RBPJ: variants seen among roughly 807,000 people sequenced by gnomAD.
RBPJ encodes recombination signal binding protein for immunoglobulin kappa J region, also known as recombining binding protein suppressor of hairless.
RBPJ carries 9 observed loss-of-function variants against 67.8 expected under a neutral mutation model. The ratio of observed to expected loss-of-function variants is 0.13; its 90% CI spans 0.08 to 0.23. The LOEUF (loss-of-function observed/expected upper bound fraction) is 0.23. Among genes scored for constraint, RBPJ ranks in the 10% least tolerant of loss-of-function variants. The pLI is 1.00. For synonymous variants in RBPJ, 198 were observed against 203.3 expected (o/e 0.97, Z 0.22); for missense variants, 305 against 595.6 (o/e 0.51, Z 5.08).
At chr4:26,427,289 A>G (rs1200040870) in intron 7 of RBPJ, among the ~76,000 whole-genome samples, 1 of 152,152 alleles carries the variant, frequency 6.6e-6, no homozygotes, top group African/African-American at 2.4e-5. Context: ...ATTGACCTAG[A>G]TGAGTTGGGG....
At chr4:26,315,144 C>CAAAAAAAA (rs60940172), upstream of RBPJ, among the ~76,000 whole-genome samples, 10 of 10,348 alleles carry the variant, frequency 9.7e-4, no homozygotes, top group Non-Finnish European at 1.5e-3. Context: ...GTCTCTGTCT[C>CAAAAAAAA]AAAAAAAAAA....
At chr4:26,272,673 C>T (rs1201767649) in intron 1 of RBPJ, 4 of 452,496 alleles carry the variant, frequency 8.8e-6, no homozygotes, top group Non-Finnish European at 1.8e-5. Context: ...CAAAGTGATT[C>T]ATTCTTCCTG....
chr4:26,270,240 A>G (rs1390086538), intron 1 of RBPJ, among the ~76,000 whole-genome samples: 4 of 140,866 alleles, frequency 2.8e-5, no homozygotes, highest in African/African-American at 1.1e-4. Context: ...AAGAAATCGT[A>G]CCACTGCTCT....
chr4:26,356,372 C>T (rs1178460345), intron 1 of RBPJ, among the ~76,000 whole-genome samples: 1 of 152,150 alleles, frequency 6.6e-6, no homozygotes, highest in African/African-American at 2.4e-5. Context: ...CTAGATCAGG[C>T]CAAATAGACT....
intron 1 of RBPJ, among the ~76,000 whole-genome samples, chr4:26,194,868 C>A (rs1012960190): frequency 2.0e-5 from 3 of 152,202 alleles, no homozygotes; most frequent in Non-Finnish European, 4.4e-5. Flanking sequence ...CCCTCCTAAC[C>A]ATATCTATGT....
In RBPJ at chr4:26,249,826, G is replaced by GC. The variant is rs1291391288; in HGVS notation, c.-167+86215dup. Among the ~76,000 whole-genome samples the GC allele has an allele frequency of 1.4e-4, 19 of 134,932 alleles. No homozygotes were observed. In the East Asian group the frequency reaches 4.1e-3, roughly 29 times the overall value. The allele number at this position is 134,932 out of a possible 152,430, so 88.5% of individuals were successfully genotyped here. A position where few individuals can be genotyped will look rare whatever the true frequency, so the allele number is the denominator to read the frequency against. ...TTTTTTGAGATGGAGTTTTGCTCCAGCCCAGGCTGGATGCAATGGCATGAT... is the reference window on the plus strand; with the variant it reads ...TTTTTTGAGATGGAGTTTTGCTCCAGCCCCAGGCTGGATGCAATGGCATGAT... On this transcript the variant is annotated intron_variant, in intron 1 of 4. Coordinates refer to the RBPJ transcript ENST00000512351.
intron 1 of RBPJ, among the ~76,000 whole-genome samples, chr4:26,203,120 C>G (rs1165120513): frequency 6.6e-6 from 1 of 152,158 alleles, no homozygotes; most frequent in Non-Finnish European, 1.5e-5. Context: ...TAAAAAGGGT[C>G]TATCTGTTTG....
At chr4:26,325,135 CCT>C (rs1234188084) in intron 1 of RBPJ, among the ~76,000 whole-genome samples, 3 of 152,140 alleles carry the variant, frequency 2.0e-5, no homozygotes, top group African/African-American at 4.8e-5. Flanking sequence ...ATTCCTAATT[CCT>C]CTCTCACCAG....
rs566946038 is a variant in RBPJ at position 26,306,897 on chromosome 4, T to C, written c.-166-55549T>C. 2.0e-3 allele frequency among the ~76,000 whole-genome samples: 298 copies of C among 152,092 alleles called. 1 individual carries two copies. The highest frequency in any genetic ancestry group is 6.9e-3 in the African/African-American group (286 of 41,560). On this transcript the variant is annotated intron_variant, in intron 1 of 4. Transcript: ENST00000512351. ...TTAAATATATTAACTATTTAAAATATATTTTAAAATAAATCTTGTTGCATT... is the reference window on the plus strand; with the variant it reads ...TTAAATATATTAACTATTTAAAATACATTTTAAAATAAATCTTGTTGCATT...
At chr4:26,416,461 C>A (rs1392482749) in intron 4 of RBPJ, among the ~76,000 whole-genome samples, 6 of 152,104 alleles carry the variant, frequency 3.9e-5, no homozygotes, top group African/African-American at 1.4e-4. Context: ...AACTCCTGAG[C>A]TCAAGCAATC....
At chr4:26,116,258 C>G in the RBPJ span, among the ~76,000 whole-genome samples, 1 of 152,208 alleles carries the variant, frequency 6.6e-6, no homozygotes, top group Non-Finnish European at 1.5e-5. Context: ...AACCAATTAA[C>G]GGGCAGGGAT....
chr4:26,270,751 G>T (rs887772202), intron 1 of RBPJ, among the ~76,000 whole-genome samples: 2 of 152,090 alleles, frequency 1.3e-5, no homozygotes, highest in East Asian at 1.9e-4. Flanking sequence ...CCCTCTGAAG[G>T]TTTGATAATT....
rs1190972709 is a variant in RBPJ, at chr4:26,433,199, C to G, written c.*2192C>G. On this transcript the variant is annotated 3_prime_UTR_variant, in exon 11 of 11. Transcript: ENST00000355476. ...GATCAAGGGCAGAACTCATTGTGGC[C>G]TTATCTTTCTTTGTTGTAATTGTTC... is the stretch of plus-strand genomic sequence containing the variant. The G allele has an allele frequency of 6.6e-6, 1 of 152,138 alleles. No individual in the cohort carries two copies. The highest frequency in any genetic ancestry group is 1.5e-5 in the Non-Finnish European group (1 of 68,024). The allele number at this position is 152,138 out of a possible 1,614,324, so 9.4% of individuals were successfully genotyped here.
the RBPJ span, among the ~76,000 whole-genome samples, chr4:26,110,299 A>T: frequency 6.6e-6 from 1 of 152,132 alleles, no homozygotes; most frequent in Non-Finnish European, 1.5e-5. The surrounding 1 kb of genome is among the most constrained non-coding windows in gnomAD (Gnocchi z 4.5). Context: ...GGAGGACACG[A>T]CTTACTTGAA....
Position 26,349,190 on chromosome 4 carries a change from C to G in RBPJ, c.20+28142C>G, listed in dbSNP as rs551376779. 9.9e-4 allele frequency among the ~76,000 whole-genome samples: 151 copies of G among 152,102 alleles called. 1 individual carries two copies. The highest frequency in any genetic ancestry group is 1.8e-3 in the Non-Finnish European group (123 of 68,012). ...TCAAGCCATCCTCCCACCTCACCCT[C>G]CTGAGTAGCTGGCACTACAGGTATG... On this transcript the variant is annotated intron_variant, in intron 1 of 10. Transcript: ENST00000355476.
chr4:26,126,975 T>C, the RBPJ span, among the ~76,000 whole-genome samples: 2 of 152,346 alleles, frequency 1.3e-5, no homozygotes, highest in Admixed American at 6.5e-5. Flanking sequence ...CACACAGGGA[T>C]GTGTGGTGCC....
At chr4:26,294,902 G>C (rs374988383) in intron 1 of RBPJ, among the ~76,000 whole-genome samples, 1 of 151,928 alleles carries the variant, frequency 6.6e-6, no homozygotes, top group African/African-American at 2.4e-5. Context: ...TATTACATGT[G>C]GGCATAGTTT....
chr4:26,430,379 G>T lies in RBPJ; in HGVS notation c.1045-40G>T. 6.6e-7 allele frequency: 1 copy of T among 1,508,858 alleles called. No homozygotes were observed. The highest frequency in any genetic ancestry group is 9.2e-7 in the Non-Finnish European group (1 of 1,087,456). 93.5% of individuals were successfully genotyped at this position (1,508,858 alleles called of 1,614,324 possible). A position where few individuals can be genotyped will look rare whatever the true frequency, so the allele number is the denominator to read the frequency against. On this transcript the variant is annotated intron_variant, in intron 9 of 10. Transcript: ENST00000355476. This position sits in a 1 kb window ranked among gnomAD's most constrained non-coding sequence, Gnocchi z 4.1. ...TAATTTGTGTACTTTAATGAAAAAT[G>T]AAAAGTTTTCTCAGTGTTGTGATTT...
At chr4:26,414,146 ACTT>A (rs943127317) in intron 3 of RBPJ, among the ~76,000 whole-genome samples, 4 of 151,996 alleles carry the variant, frequency 2.6e-5, no homozygotes, top group African/African-American at 9.7e-5. Context: ...GAAGGAAACT[ACTT>A]CTTTGGGTAA....
Sources: gnomAD v4.1 joint callset for allele counts (sites outside exome capture counted in the v4.1 genomes callset) on GRCh38, gnomAD v4.1.1 for gene constraint, Gnocchi (gnomAD v3.1) non-coding constraint, MANE v1.5 for transcripts, NCBI Gene and HGNC (gene_info 2026-07-23, HGNC 2026-07-21) for gene names.